The following NBEA variants were observed in gnomAD, a reference collection of about 807,000 sequenced individuals.
NBEA encodes the protein neurobeachin.
A neutral mutation model predicts 343.4 loss-of-function variants in NBEA; 44 were observed. The observed-to-expected ratio is 0.13, with a 90% CI of 0.10 to 0.16. The LOEUF (loss-of-function observed/expected upper bound fraction) is 0.16. Among genes scored for constraint, NBEA ranks in the 10% least tolerant of loss-of-function variants. NBEA has a pLI of 1.00. For synonymous variants in NBEA, 1,175 were observed against 1,238.7 expected, an observed-to-expected ratio of 0.95 and a Z score of 1.08; for missense variants, 2,555 against 3,631.3, an observed-to-expected ratio of 0.70 and a Z score of 7.62.
chr13:35,523,404 G>A (rs973093208), intron 41 of NBEA, among the ~76,000 whole-genome samples: 1 of 152,318 alleles, frequency 6.6e-6, no homozygotes, highest in South Asian at 2.1e-4. Flanking sequence ...AAGGAAAATA[G>A]AAGTTCAGTT....
intron 34 of NBEA, among the ~76,000 whole-genome samples, chr13:35,290,071 C>T (rs909637565): frequency 2.6e-5 from 4 of 151,640 alleles, no homozygotes; most frequent in African/African-American, 9.7e-5. Flanking sequence ...TAACCTTCCC[C>T]ACCTTGTTTA....
At chr13:35,216,349 A>T (rs1017152865) in intron 33 of NBEA, among the ~76,000 whole-genome samples, 6 of 151,858 alleles carry the variant, frequency 4.0e-5, no homozygotes, top group African/African-American at 1.4e-4. Context: ...AGCCACACTC[A>T]TTTGCTTATG....
chr13:35,482,702 G>C (rs180960756), intron 41 of NBEA, among the ~76,000 whole-genome samples: 3 of 150,852 alleles, frequency 2.0e-5, no homozygotes, highest in East Asian at 1.9e-4. Context: ...TTTTAAGTTA[G>C]ATATGTCTGT....
chr13:35,620,979 C>T (rs1005703795), intron 48 of NBEA, among the ~76,000 whole-genome samples: 5 of 152,064 alleles, frequency 3.3e-5, no homozygotes, highest in African/African-American at 7.2e-5. Flanking sequence ...AAAATGAAAG[C>T]GTGGGTGTTT....
intron 41 of NBEA, among the ~76,000 whole-genome samples, chr13:35,543,302 A>G (rs2078916152): frequency 6.6e-6 from 1 of 152,212 alleles, no homozygotes; most frequent in South Asian, 2.1e-4. Flanking sequence ...TCTTTTTTAT[A>G]GAGGTGTTGA....
intron 34 of NBEA, among the ~76,000 whole-genome samples, chr13:35,284,380 T>A (rs567069219): frequency 6.6e-6 from 1 of 152,142 alleles, no homozygotes; most frequent in African/African-American, 2.4e-5. Flanking sequence ...TTGTTAAAAT[T>A]TATAATCCAA....
intron 45 of NBEA, among the ~76,000 whole-genome samples, chr13:35,568,766 C>T (rs2080254923): frequency 6.6e-6 from 1 of 152,106 alleles, no homozygotes; most frequent in Non-Finnish European, 1.5e-5. Context: ...ATCCAAAGTG[C>T]TGCAGTGTTT....
At chr13:35,211,709 G>A (rs372631724) in intron 33 of NBEA, among the ~76,000 whole-genome samples, 79 of 152,014 alleles carry the variant, frequency 5.2e-4, no homozygotes, top group African/African-American at 1.8e-3. Context: ...CAGCCACTCG[G>A]GAGGGAGGCT....
intron 55 of NBEA, 124 bp from the exon 56 acceptor site, chr13:35,664,961 G>C: frequency 1.5e-6 from 1 of 677,140 alleles, no homozygotes; most frequent in East Asian, 2.7e-5. Context: ...ACTGGCTCAT[G>C]GTCACACAGC....
chr13:35,311,150 T>C (rs2037334809), intron 36 of NBEA, among the ~76,000 whole-genome samples: 1 of 152,124 alleles, frequency 6.6e-6, no homozygotes, highest in South Asian at 2.1e-4. Flanking sequence ...GCACTCACCA[T>C]GTCTTACAGA....
At chr13:35,270,137 A>T (rs2034013898) in intron 34 of NBEA, among the ~76,000 whole-genome samples, 1 of 152,178 alleles carries the variant, frequency 6.6e-6, no homozygotes, top group African/African-American at 2.4e-5. Flanking sequence ...CCCCAAAGTA[A>T]TCCAAATGTT....
intron 1 of NBEA, among the ~76,000 whole-genome samples, chr13:34,943,415 T>A (rs1364846457): frequency 6.6e-6 from 1 of 151,966 alleles, no homozygotes; most frequent in Non-Finnish European, 1.5e-5. Context: ...AGGTTTTGGG[T>A]CGACTTTAGA....
At chr13:35,091,284 C>A (rs1194047361) in intron 10 of NBEA, among the ~76,000 whole-genome samples, 1 of 151,850 alleles carries the variant, frequency 6.6e-6, no homozygotes, top group African/African-American at 2.4e-5. Flanking sequence ...AAAGCCCCAG[C>A]GTTTTGACAG....
chr13:35,623,521 G>A (rs1277112006), intron 48 of NBEA, among the ~76,000 whole-genome samples: 1 of 151,850 alleles, frequency 6.6e-6, no homozygotes, highest in Non-Finnish European at 1.5e-5. Flanking sequence ...TTGTTCCTTT[G>A]CCATTTAATT....
At chr13:35,490,742 C>T (rs1457071731) in intron 41 of NBEA, among the ~76,000 whole-genome samples, 3 of 89,212 alleles carry the variant, frequency 3.4e-5, no homozygotes, top group Admixed American at 2.7e-4. Flanking sequence ...ATCTATATTA[C>T]TGTATGTACC....
At chr13:35,110,636 A>G (rs1307756437) in intron 12 of NBEA, among the ~76,000 whole-genome samples, 174 bp from the exon 13 acceptor site, 2 of 152,112 alleles carry the variant, frequency 1.3e-5, no homozygotes, top group African/African-American at 4.8e-5. Context: ...ATTGCAGATT[A>G]TATATTTTTT....
At chr13:35,157,857 A>C (rs1447571015) in intron 21 of NBEA, among the ~76,000 whole-genome samples, 3 of 152,136 alleles carry the variant, frequency 2.0e-5, no homozygotes, top group Non-Finnish European at 4.4e-5. Context: ...GTTATAGAAG[A>C]AGCATGGGTG....
chr13:35,254,324 C>CTTT (rs377465927), intron 34 of NBEA, among the ~76,000 whole-genome samples: 1 of 132,808 alleles, frequency 7.5e-6, no homozygotes, highest in Non-Finnish European at 1.6e-5. Context: ...TTATTTTTTA[C>CTTT]TTTTTTTTTT....
chr13:35,413,106 G>A (rs1185379916), intron 38 of NBEA, among the ~76,000 whole-genome samples: 1 of 152,102 alleles, frequency 6.6e-6, no homozygotes, highest in Non-Finnish European at 1.5e-5. Flanking sequence ...TAAAGTTTTT[G>A]TCTGGAAATG....
Sources: gnomAD v4.1 joint callset for allele counts (sites outside exome capture counted in the v4.1 genomes callset) on GRCh38, gnomAD v4.1.1 for gene constraint, MANE v1.5 for transcripts, NCBI Gene and HGNC (gene_info 2026-07-23, HGNC 2026-07-21) for gene names.